Variants in CAND1 observed in about 807,000 individuals in gnomAD.
CAND1 encodes the protein cullin-associated NEDD8-dissociated protein 1.
In CAND1, 7 loss-of-function variants were observed where a neutral mutation model predicts 108.5. The observed-to-expected ratio is 0.06, with a 90% confidence interval of 0.04 to 0.12. CAND1 has a LOEUF of 0.12. Among genes scored for constraint, CAND1 ranks in the 10% least tolerant of loss-of-function variants. CAND1 has a pLI of 1.00. For missense variants in CAND1, 941 were observed against 1,448.7 expected, an observed-to-expected ratio of 0.65 and a Z score of 5.69; for synonymous variants, 534 against 512.0, an observed-to-expected ratio of 1.04 and a Z score of -0.58.
chr12:67,269,918 T>TGGA, intron 1 of CAND1, 133 bp downstream of exon 1: 1 of 649,870 alleles, frequency 1.5e-6, no homozygotes, highest in Non-Finnish European at 2.6e-6. Flanking sequence ...AGCCCACCGG[T>TGGA]CCGCTGGCCT....
chr12:67,276,294 T>A (rs779526428), intron 1 of CAND1, among the ~76,000 whole-genome samples: 7 of 152,226 alleles, frequency 4.6e-5, no homozygotes, highest in Admixed American at 1.3e-4. Context: ...TATAACTCAT[T>A]TAGTGGATAT....
At chr12:67,301,541 A>G (rs766638261) in intron 7 of CAND1, among the ~76,000 whole-genome samples, 3 of 152,288 alleles carry the variant, frequency 2.0e-5, no homozygotes, top group Non-Finnish European at 4.4e-5. Context: ...GAGATTTCAC[A>G]CACATGTTAT....
intron 6 of CAND1, among the ~76,000 whole-genome samples, chr12:67,298,507 A>C (rs1485021949): frequency 6.6e-6 from 1 of 152,158 alleles, no homozygotes; most frequent in African/African-American, 2.4e-5. Flanking sequence ...AGAAACACAA[A>C]GTATTCTTTT....
At chr12:67,304,976 T>G (rs2044863824) in intron 9 of CAND1, 128 bp from the exon 10 acceptor site, 4 of 913,498 alleles carry the variant, frequency 4.4e-6, no homozygotes, top group Non-Finnish European at 6.4e-6. Flanking sequence ...TTGTAGATGG[T>G]GAAAATTTCT....
chr12:67,283,031 A>C (rs947086820), intron 2 of CAND1, among the ~76,000 whole-genome samples: 7 of 152,220 alleles, frequency 4.6e-5, no homozygotes, highest in Admixed American at 2.6e-4. Flanking sequence ...TTATTAGTAT[A>C]ACCTTTAGCC....
intron 7 of CAND1, among the ~76,000 whole-genome samples, chr12:67,300,819 T>A (rs2044818012): frequency 6.6e-6 from 1 of 152,158 alleles, no homozygotes; most frequent in Non-Finnish European, 1.5e-5. Context: ...AACTTTAGCT[T>A]ATATTTTAAT....
rs2044987941 is a variant in CAND1, at chr12:67,314,464, T to C, written c.*1634T>C. On this transcript the variant is annotated 3_prime_UTR_variant, in exon 15 of 15. Coordinates refer to ENST00000545606, the MANE Select transcript of CAND1 (RefSeq NM_018448.5). The stretch of plus-strand genomic sequence containing the variant: ...TCAAAATGTGGCAGGTGATAATCTT[T>C]TACCATAATTTGCATAAAACTGTAA... 1 of 152,238 alleles carries C rather than the reference T, an allele frequency of 6.6e-6. No homozygotes were observed. The highest frequency in any genetic ancestry group is 1.5e-5 in the Non-Finnish European group (1 of 68,032). The allele number at this position is 152,238 out of a possible 1,614,324, so 9.4% of individuals were successfully genotyped here.
chr12:67,291,906 C>T (rs1156478691), intron 2 of CAND1, among the ~76,000 whole-genome samples: 2 of 152,128 alleles, frequency 1.3e-5, no homozygotes, highest in Admixed American at 6.5e-5. Context: ...CTCCTCTGGC[C>T]CAGGCTAGAG....
At chr12:67,300,717 G>A (rs1325422776) in intron 7 of CAND1, among the ~76,000 whole-genome samples, 1 of 152,128 alleles carries the variant, frequency 6.6e-6, no homozygotes, top group African/African-American at 2.4e-5. Context: ...AAGGCTAGAT[G>A]TTTTAATCTC....
intron 13 of CAND1, 79 bp downstream of exon 13, chr12:67,310,395 A>G (rs1592626552): frequency 2.9e-6 from 3 of 1,042,874 alleles, no homozygotes; most frequent in Non-Finnish European, 4.2e-6. Flanking sequence ...TAATTTACTC[A>G]TGTGTCTGAG....
In CAND1 at chr12:67,306,097, G is replaced by A; in HGVS notation, c.2429G>A (p.Cys810Tyr). The change falls in exon 10 of 15, where the codon TGC becomes TAC. Residue 810 changes from cysteine to tyrosine, a missense_variant. Transcript: ENST00000545606. ...TGTGTAGCTGCCCTTACTCGAGCAT[G>A]CCCTAAAGAGGGACCAGCTGTAGTA... ...AKCVAALTRA[C>Y]PKEGPAVVGQ... The A allele has an allele frequency of 1.2e-6, 2 of 1,614,116 alleles. No individual in the cohort carries two copies. The highest frequency in any genetic ancestry group is 1.7e-6 in the Non-Finnish European group (2 of 1,180,004).
At position 67,292,658 on chromosome 12, in the gene CAND1, A is replaced by G. The variant is rs976397889; in HGVS notation, c.249A>G (p.Gln83=). The change falls in exon 3 of 15, where the codon CAA becomes CAG. Residue 83 remains glutamine, a synonymous_variant. Coordinates refer to ENST00000545606, the MANE Select transcript of CAND1 (RefSeq NM_018448.5). ...GPLVSKVKEY[Q]VETIVDTLCT... ...TAGTGAGTAAAGTGAAAGAATACCA[A>G]GTAGAGACAATTGTAGATACCCTCT... The G allele has an allele frequency of 6.2e-7, 1 of 1,612,802 alleles. No homozygotes were observed. Among genetic ancestry groups the G allele is most frequent in the Admixed American group, 1.7e-5 (1 of 59,842 alleles).
intron 7 of CAND1, among the ~76,000 whole-genome samples, chr12:67,300,008 T>A (rs1229058760): frequency 6.6e-6 from 1 of 152,198 alleles, no homozygotes; most frequent in Non-Finnish European, 1.5e-5. Flanking sequence ...GTTTCTCTCC[T>A]CCACAACAGA....
At chr12:67,281,207 G>A (rs2044616973) in intron 1 of CAND1, among the ~76,000 whole-genome samples, 2 of 151,898 alleles carry the variant, frequency 1.3e-5, no homozygotes, top group African/African-American at 4.8e-5. Context: ...ACAGGCGCCT[G>A]TAATCCCAAC....
chr12:67,280,623 T>C (rs1257990782), intron 1 of CAND1, among the ~76,000 whole-genome samples: 4 of 152,226 alleles, frequency 2.6e-5, no homozygotes, highest in African/African-American at 9.6e-5. Context: ...CATTTGACTT[T>C]TAAGGAGGTC....
At chr12:67,284,170 A>G (rs1214587952) in intron 2 of CAND1, among the ~76,000 whole-genome samples, 3 of 152,174 alleles carry the variant, frequency 2.0e-5, no homozygotes, top group Non-Finnish European at 4.4e-5. Context: ...AGATAATTCC[A>G]GTACAGAGAG....
At chr12:67,298,815 A>G (rs2044794632) in intron 6 of CAND1, 135 bp from the exon 7 acceptor site, 2 of 607,310 alleles carry the variant, frequency 3.3e-6, no homozygotes. Flanking sequence ...GGAGAGAAAG[A>G]GCAAGAATCA....
At position 67,313,426 on chromosome 12, in the gene CAND1, ATGAG is replaced by A. The variant is rs1221791520; in HGVS notation, c.*598_*601del. ...TCCCTGTTGCGCACACTAATTTTGC[ATGAG>A]TAAGTTTACAAATATGTATCGTCTG... is the stretch of plus-strand genomic sequence containing the variant. On this transcript the variant is annotated 3_prime_UTR_variant, in exon 15 of 15. Transcript: ENST00000545606. 1 of 152,622 alleles carries A rather than the reference ATGAG, an allele frequency of 6.6e-6. No individual in the cohort carries two copies. The highest frequency in any genetic ancestry group is 1.5e-5 in the Non-Finnish European group (1 of 68,026). 9.5% of individuals were successfully genotyped at this position (152,622 alleles called of 1,614,324 possible).
intron 2 of CAND1, among the ~76,000 whole-genome samples, chr12:67,283,118 GTT>G (rs768513279): frequency 1.3e-5 from 2 of 152,058 alleles, no homozygotes; most frequent in Non-Finnish European, 2.9e-5. Context: ...TTATCCCATT[GTT>G]ACTTCTTTTT....
Sources: gnomAD v4.1 joint callset for allele counts (sites outside exome capture counted in the v4.1 genomes callset) on GRCh38, gnomAD v4.1.1 for gene constraint, MANE v1.5 for transcripts, NCBI Gene and HGNC (gene_info 2026-07-23, HGNC 2026-07-21) for gene names.